Variants in CDH18 observed in about 807,000 individuals in gnomAD.
CDH18 encodes the protein cadherin-18.
CDH18 carries 31 observed loss-of-function variants against 67.9 expected under a neutral mutation model. The ratio of observed to expected loss-of-function variants is 0.46; its 90% CI spans 0.34 to 0.62. The LOEUF (loss-of-function observed/expected upper bound fraction) is 0.62. CDH18 is among the 20% of genes least tolerant of loss of function. The pLI is 0.01. For missense variants in CDH18, 890 were observed against 975.5 expected, an observed-to-expected ratio of 0.91 and a Z score of 1.17; for synonymous variants, 362 against 347.2, an observed-to-expected ratio of 1.04 and a Z score of -0.48.
At chr5:19,627,510 T>A (rs749220086) in intron 5 of CDH18, among the ~76,000 whole-genome samples, 5 of 152,192 alleles carry the variant, frequency 3.3e-5, no homozygotes, top group Non-Finnish European at 7.3e-5. Context: ...TGATTGGTTA[T>A]GGATGCAAGA....
At chr5:19,730,040 T>C (rs1269403897) in intron 4 of CDH18, among the ~76,000 whole-genome samples, 1 of 151,920 alleles carries the variant, frequency 6.6e-6, no homozygotes, top group Non-Finnish European at 1.5e-5. Context: ...CTTTCTGCTT[T>C]GGATGATGTC....
At chr5:20,194,611 G>T (rs993217898) in intron 2 of CDH18, among the ~76,000 whole-genome samples, 1 of 151,904 alleles carries the variant, frequency 6.6e-6, no homozygotes, top group African/African-American at 2.4e-5. Flanking sequence ...TATATATGTA[G>T]ATTTTCCACT....
intron 2 of CDH18, among the ~76,000 whole-genome samples, chr5:19,902,068 A>T (rs1159985399): frequency 1.3e-5 from 2 of 152,190 alleles, no homozygotes; most frequent in African/African-American, 2.4e-5. Flanking sequence ...ACCTGTTCTT[A>T]TAAAAATGTG....
Position 19,897,176 on chromosome 5 carries a change from C to T in CDH18, c.-256-57934G>A, listed in dbSNP as rs560401422. On this transcript the variant is annotated intron_variant, in intron 2 of 12. Coordinates refer to ENST00000382275, the MANE Select transcript of CDH18 (RefSeq NM_004934.5). Reference sequence around the variant, plus strand: ...ATCTAAGGGTGAAATAATATATTTGCCATACAATTTATATGACAAATTCCT... The same window carrying T: ...ATCTAAGGGTGAAATAATATATTTGTCATACAATTTATATGACAAATTCCT... Among the ~76,000 whole-genome samples the T allele has an allele frequency of 2.6e-5, 4 of 151,812 alleles. 1 individual carries two copies. The highest frequency in any genetic ancestry group is 2.0e-4 in the Admixed American group (3 of 15,250).
chr5:20,155,446 T>A (rs970001898), intron 2 of CDH18, among the ~76,000 whole-genome samples: 16 of 152,038 alleles, frequency 1.1e-4, no homozygotes, highest in African/African-American at 3.9e-4. Context: ...CTTGCGGAGC[T>A]TTTTAGTTCT....
intron 1 of CDH18, among the ~76,000 whole-genome samples, chr5:20,561,721 G>C (rs576663229): frequency 1.3e-3 from 198 of 151,966 alleles, no homozygotes; most frequent in Non-Finnish European, 2.2e-3. Context: ...ACAGCACTAA[G>C]AGTAAATCCT....
In CDH18 at chr5:20,430,388, T is replaced by A. The variant is rs184328627; in HGVS notation, c.-580+145074A>T. Among the ~76,000 whole-genome samples the A allele has an allele frequency of 2.6e-3, 398 of 152,228 alleles. 4 individuals carry two copies. Among genetic ancestry groups the A allele is most frequent in the South Asian group, 1.9e-3 (9 of 4,824 alleles). On this transcript the variant is annotated intron_variant, in intron 1 of 14. Transcript: ENST00000507958. Reference sequence around the variant, plus strand: ...TAAACTGAAGTTAAGATGAGTGAAGTGGACAAGCTGTCATCATGCTGCTCT... The same window carrying A: ...TAAACTGAAGTTAAGATGAGTGAAGAGGACAAGCTGTCATCATGCTGCTCT...
At chr5:19,898,917 G>T (rs1293458640) in intron 2 of CDH18, among the ~76,000 whole-genome samples, 1 of 152,040 alleles carries the variant, frequency 6.6e-6, no homozygotes, top group South Asian at 2.1e-4. Flanking sequence ...CTGTTAAGAG[G>T]CTCATTACAA....
rs577504796 is a variant in CDH18 at position 19,845,442 on chromosome 5, C to T, written c.-256-6200G>A. Among the ~76,000 whole-genome samples the T allele has an allele frequency of 3.9e-5, 6 of 152,180 alleles. No individual in the cohort carries two copies. The South Asian group carries it at 1.2e-3, about 32-fold the overall frequency. ...TTTGTGGCCCAACACGTGATCTATC[C>T]TGGAAAATGGTTCATTTCTACTAGA... On this transcript the variant is annotated intron_variant, in intron 2 of 12. Coordinates refer to ENST00000382275, the MANE Select transcript of CDH18 (RefSeq NM_004934.5).
At chr5:20,447,080 C>T (rs1364273465) in intron 1 of CDH18, among the ~76,000 whole-genome samples, 1 of 152,076 alleles carries the variant, frequency 6.6e-6, no homozygotes, top group African/African-American at 2.4e-5. Context: ...AACTTTGTTA[C>T]TCTGAAATGC....
At position 20,031,400 on chromosome 5, in the gene CDH18, G is replaced by T. The variant is rs1012830844; in HGVS notation, c.-517-39386C>A. On this transcript the variant is annotated intron_variant, in intron 2 of 14. Coordinates refer to the CDH18 transcript ENST00000507958. ...CCTGAGTATAATGTTCGGTATGCTAGCTTGGCAAATCTAAAGTGGCAGGTA... is the reference window on the plus strand; with the variant it reads ...CCTGAGTATAATGTTCGGTATGCTATCTTGGCAAATCTAAAGTGGCAGGTA... 1.1e-4 allele frequency among the ~76,000 whole-genome samples: 17 copies of T among 152,170 alleles called. 1 individual carries two copies. Among genetic ancestry groups the T allele is most frequent in the Admixed American group, 9.2e-4 (14 of 15,258 alleles).
chr5:20,424,354 T>C lies in CDH18; in HGVS notation c.-580+151108A>G, dbSNP rs1748113260. Among the ~76,000 whole-genome samples, 3 of 150,968 alleles carry C rather than the reference T, an allele frequency of 2.0e-5. 1 individual carries two copies. The highest frequency in any genetic ancestry group is 1.3e-4 in the Admixed American group (2 of 15,230). On this transcript the variant is annotated intron_variant, in intron 1 of 14. Coordinates refer to the CDH18 transcript ENST00000507958. ...TTCCAACAGCACCATCATATTATCA[T>C]ACAAATGTGAAGGAAAGAACAAGGA...
At chr5:20,309,376 G>A (rs1297399433) in intron 1 of CDH18, among the ~76,000 whole-genome samples, 1 of 152,084 alleles carries the variant, frequency 6.6e-6, no homozygotes, top group African/African-American at 2.4e-5. Flanking sequence ...GTGGCACACT[G>A]TCTTAAAAAT....
At chr5:20,331,509 G>T (rs909647101) in intron 1 of CDH18, 1 of 151,956 alleles carries the variant, frequency 6.6e-6, no homozygotes, top group Admixed American at 6.5e-5. Context: ...GATTTTTTTT[G>T]AAAGTCCTAT....
chr5:19,650,334 A>G (rs1213139821), intron 5 of CDH18, among the ~76,000 whole-genome samples: 2 of 152,120 alleles, frequency 1.3e-5, no homozygotes, highest in South Asian at 2.1e-4. Flanking sequence ...ATAAAGCACT[A>G]ATATTAGAAA....
At position 20,471,519 on chromosome 5, in the gene CDH18, C is replaced by A. The variant is rs77494487; in HGVS notation, c.-580+103943G>T. Among the ~76,000 whole-genome samples the A allele has an allele frequency of 1.3e-5, 2 of 151,882 alleles. 1 individual carries two copies. The highest frequency in any genetic ancestry group is 4.2e-4 in the South Asian group (2 of 4,798). On this transcript the variant is annotated intron_variant, in intron 1 of 14. Coordinates refer to the CDH18 transcript ENST00000507958. ...GTATTTATTTACAGTTTTTACAAAG[C>A]GGCAGGGCACGGTGGCTCACACCTG... is the stretch of plus-strand genomic sequence containing the variant.
intron 10 of CDH18, among the ~76,000 whole-genome samples, chr5:19,513,363 A>T (rs1368837138): frequency 6.6e-6 from 1 of 152,172 alleles, no homozygotes. Context: ...AAAAGACGAC[A>T]TTGTAATATA....
intron 1 of CDH18, chr5:20,304,687 G>T (rs867768404): frequency 6.2e-7 from 1 of 1,611,644 alleles, no homozygotes; most frequent in Non-Finnish European, 8.5e-7. Flanking sequence ...TTTCTTTTCA[G>T]ATGTCAGCTC....
intron 1 of CDH18, among the ~76,000 whole-genome samples, chr5:20,388,007 G>A (rs1189984984): frequency 2.6e-5 from 4 of 152,036 alleles, no homozygotes; most frequent in Non-Finnish European, 5.9e-5. Flanking sequence ...ATGTTCATCA[G>A]GGATATTGGT....
Sources: allele counts gnomAD v4.1 joint callset (sites outside exome capture counted in the v4.1 genomes callset), GRCh38; gene constraint gnomAD v4.1.1; transcripts MANE v1.5; gene names NCBI Gene and HGNC (gene_info 2026-07-23, HGNC 2026-07-21).